The following IL1RAPL1 variants were observed in gnomAD, a reference collection of about 807,000 sequenced individuals.
The protein encoded by IL1RAPL1 is interleukin 1 receptor accessory protein like 1, also known as interleukin-1 receptor accessory protein-like 1.
In IL1RAPL1, 3 loss-of-function variants were observed where a neutral mutation model predicts 48.4. The observed-to-expected ratio is 0.06, with a 90% CI of 0.03 to 0.16. The LOEUF (loss-of-function observed/expected upper bound fraction) is 0.16, where lower values mean the gene tolerates loss of function less well. IL1RAPL1 is among the 10% of genes least tolerant of loss of function. The probability of loss-of-function intolerance (pLI) is 1.00; values close to 1 mark genes in which losing one functional copy is unlikely to be tolerated. For synonymous variants in IL1RAPL1, 185 were observed against 187.7 expected (o/e 0.99, Z 0.12); for missense variants, 349 against 530.6 (o/e 0.66, Z 3.36).
At chrX:29,459,081 G>A (rs1934773671) in intron 5 of IL1RAPL1, among the ~76,000 whole-genome samples, 1 of 111,659 alleles carries the variant, frequency 9.0e-6, no homozygotes. Context: ...ACACTATCTA[G>A]ACAACATAAA....
intron 2 of IL1RAPL1, among the ~76,000 whole-genome samples, chrX:28,858,770 CCAAGGTA>C (rs1201404632): frequency 4.5e-5 from 5 of 111,967 alleles, no homozygotes; most frequent in African/African-American, 1.6e-4. Flanking sequence ...TGCAATATCT[CCAAGGTA>C]TGCTTGTATT....
chrX:29,252,150 G>A (rs1243401479), intron 2 of IL1RAPL1, among the ~76,000 whole-genome samples: 1 of 112,724 alleles, frequency 8.9e-6, no homozygotes, highest in Non-Finnish European at 1.9e-5. Flanking sequence ...AGCTTTAGGA[G>A]ATATACCTAA....
chrX:29,192,418 T>C (rs1039985427), intron 2 of IL1RAPL1, among the ~76,000 whole-genome samples: 3 of 112,046 alleles, frequency 2.7e-5, no homozygotes, highest in African/African-American at 9.7e-5. Context: ...ACACATTTAA[T>C]AGATGGAGTG....
At chrX:29,478,233 T>C (rs1934999021) in intron 5 of IL1RAPL1, among the ~76,000 whole-genome samples, 1 of 112,434 alleles carries the variant, frequency 8.9e-6, no homozygotes, top group Non-Finnish European at 1.9e-5. Context: ...CAGACTTCTC[T>C]ATTTCAGAAA....
chrX:29,439,851 G>GTTTTTTTTTTTTTTTTTTTTTTGTT (rs760458968), intron 5 of IL1RAPL1, among the ~76,000 whole-genome samples: 1 of 59,865 alleles, frequency 1.7e-5, no homozygotes, highest in Non-Finnish European at 2.9e-5. Flanking sequence ...TGTTTGTTTG[G>GTTTTTTTTTTTTTTTTTTTTTTGTT]TTTTTTTTTT....
At chrX:29,119,550 T>C (rs1318005885) in intron 2 of IL1RAPL1, among the ~76,000 whole-genome samples, 1 of 111,701 alleles carries the variant, frequency 9.0e-6, no homozygotes, top group Non-Finnish European at 1.9e-5. Flanking sequence ...GCCCCCAAAA[T>C]TGCAGAAACA....
chrX:29,804,845 C>T (rs1930213236), intron 6 of IL1RAPL1, among the ~76,000 whole-genome samples: 1 of 112,053 alleles, frequency 8.9e-6, no homozygotes, highest in Non-Finnish European at 1.9e-5. Flanking sequence ...TCAACATGAA[C>T]TGGATTCATC....
At chrX:28,893,946 G>C (rs1056431945) in intron 2 of IL1RAPL1, among the ~76,000 whole-genome samples, 4 of 111,054 alleles carry the variant, frequency 3.6e-5, no homozygotes, top group African/African-American at 1.3e-4. Context: ...GGCCATGAGG[G>C]ACAGAAGTTG....
intron 5 of IL1RAPL1, among the ~76,000 whole-genome samples, chrX:29,458,725 G>T (rs73213976): frequency 1.2e-4 from 12 of 100,321 alleles, no homozygotes; most frequent in Admixed American, 1.1e-3. Context: ...GAACGTTTTT[G>T]TTTTTTTTTT....
intron 5 of IL1RAPL1, among the ~76,000 whole-genome samples, chrX:29,590,913 G>A (rs1354761933): frequency 8.9e-6 from 1 of 112,419 alleles, no homozygotes; most frequent in Admixed American, 9.4e-5. Context: ...GTTTTGTGCT[G>A]TAACGTGCCA....
intron 5 of IL1RAPL1, among the ~76,000 whole-genome samples, chrX:29,431,925 G>A (rs1261829203): frequency 9.0e-6 from 1 of 111,483 alleles, no homozygotes; most frequent in Non-Finnish European, 1.9e-5. Flanking sequence ...AGTTTTAACA[G>A]TATCCTATGT....
chrX:28,880,504 C>A (rs942484063), intron 2 of IL1RAPL1, among the ~76,000 whole-genome samples: 3 of 112,367 alleles, frequency 2.7e-5, no homozygotes, highest in Admixed American at 1.9e-4. Context: ...ACTTAATTTG[C>A]ATCAGTGCTT....
intron 2 of IL1RAPL1, among the ~76,000 whole-genome samples, chrX:28,974,877 A>G (rs913813345): frequency 8.9e-6 from 1 of 112,235 alleles, no homozygotes; most frequent in African/African-American, 3.2e-5. Context: ...GTGTGTTTAT[A>G]TAGAGTGGAA....
At chrX:29,293,787 A>C (rs755984987) in intron 3 of IL1RAPL1, among the ~76,000 whole-genome samples, 1 of 111,762 alleles carries the variant, frequency 8.9e-6, no homozygotes, top group African/African-American at 3.2e-5. Context: ...ATACAGGGTT[A>C]TACTGTGATT....
At chrX:29,752,182 A>G (rs745611036) in intron 6 of IL1RAPL1, among the ~76,000 whole-genome samples, 87 of 103,644 alleles carry the variant, frequency 8.4e-4, no homozygotes, top group African/African-American at 3.0e-3. Context: ...TGCTGGATTT[A>G]TATATCAAAA....
At chrX:28,773,347 G>A (rs1034596000) in intron 1 of IL1RAPL1, among the ~76,000 whole-genome samples, 16 of 111,343 alleles carry the variant, frequency 1.4e-4, no homozygotes, top group African/African-American at 4.6e-4. Context: ...AAAACACTTG[G>A]ATTACAAGAG....
rs750040300 is a variant in IL1RAPL1, at chrX:29,567,965, C to T, written c.704-100465C>T. 8.2e-5 allele frequency among the ~76,000 whole-genome samples: 9 copies of T among 110,094 alleles called. No homozygotes were observed. In the South Asian group the frequency reaches 3.5e-3, roughly 43 times the overall value. On this transcript the variant is annotated intron_variant, in intron 5 of 10. Transcript: ENST00000378993. ...GAGACAACATTTTTATACAAATGCA[C>T]ATTGAAAGGGAATGAAATAACCCTT... is the stretch of plus-strand genomic sequence containing the variant.
chrX:29,324,873 A>G (rs1569285900), intron 3 of IL1RAPL1, among the ~76,000 whole-genome samples: 1 of 111,756 alleles, frequency 8.9e-6, no homozygotes, highest in Non-Finnish European at 1.9e-5. Context: ...GTATTATTCA[A>G]TGATACTTTA....
chrX:29,954,715 G>C (rs1488057223), intron 10 of IL1RAPL1, 23 bp downstream of exon 10: 1 of 1,122,164 alleles, frequency 8.9e-7, no homozygotes. Context: ...TTTCATTTGA[G>C]AGTGTGCATA....
Sources: gnomAD v4.1 joint callset for allele counts (sites outside exome capture counted in the v4.1 genomes callset) on GRCh38, gnomAD v4.1.1 for gene constraint, MANE v1.5 for transcripts, NCBI Gene and HGNC (gene_info 2026-07-23, HGNC 2026-07-21) for gene names.